Variants in AGBL4 observed in about 807,000 individuals in gnomAD.
AGBL4 encodes the protein cytosolic carboxypeptidase 6.
In AGBL4, 58 loss-of-function variants were observed where a neutral mutation model predicts 66.4. The ratio of observed to expected loss-of-function variants is 0.87; its 90% CI spans 0.71 to 1.09. The LOEUF (loss-of-function observed/expected upper bound fraction) is 1.09. Among genes scored for constraint, AGBL4 ranks in the 50% least tolerant of loss-of-function variants. The pLI is 0.00. For missense variants in AGBL4, 579 were observed against 631.0 expected (o/e 0.92, Z 0.88); for synonymous variants, 234 against 222.9 (o/e 1.05, Z -0.44).
chr1:49,596,764 T>C (rs955720938), intron 3 of AGBL4, among the ~76,000 whole-genome samples: 1 of 152,204 alleles, frequency 6.6e-6, no homozygotes, highest in Non-Finnish European at 1.5e-5. Flanking sequence ...GTATCAATGA[T>C]CACATTTTGG....
chr1:48,877,681 C>A (rs769894417), intron 5 of AGBL4, among the ~76,000 whole-genome samples: 21 of 152,016 alleles, frequency 1.4e-4, no homozygotes, highest in Non-Finnish European at 8.8e-5. Flanking sequence ...CCTTAGTGTC[C>A]TTAGGAAGGA....
intron 4 of AGBL4, among the ~76,000 whole-genome samples, chr1:49,069,041 GTCTGT>G (rs1278714926): frequency 6.6e-6 from 1 of 152,080 alleles, no homozygotes; most frequent in East Asian, 1.9e-4. Context: ...TTTGAGAAGT[GTCTGT>G]TCATATAATT....
intron 6 of AGBL4, among the ~76,000 whole-genome samples, chr1:48,711,745 ATTT>A: frequency 1.3e-4 from 1 of 7,732 alleles, no homozygotes; most frequent in East Asian, 9.6e-3. Flanking sequence ...TTTCCCCATA[ATTT>A]CTCCCTCTCT....
chr1:49,592,426 T>TGGGTGTGGTGGCAGGGA (rs942020101), intron 3 of AGBL4, among the ~76,000 whole-genome samples: 1 of 151,960 alleles, frequency 6.6e-6, no homozygotes, highest in Non-Finnish European at 1.5e-5. Context: ...CAAAATTAGC[T>TGGGTGTGGTGGCAGGGA]GGGTGTGGTG....
chr1:48,999,136 A>C (rs1661219452), intron 5 of AGBL4, among the ~76,000 whole-genome samples: 1 of 152,236 alleles, frequency 6.6e-6, no homozygotes, highest in South Asian at 2.1e-4. Flanking sequence ...AAAGTGCTAC[A>C]GTCAGGGCTC....
chr1:49,577,313 G>A (rs911727594), intron 3 of AGBL4, among the ~76,000 whole-genome samples: 3 of 152,192 alleles, frequency 2.0e-5, no homozygotes, highest in Non-Finnish European at 4.4e-5. Flanking sequence ...CATGAATAAA[G>A]TGGCCATGGT....
At chr1:49,643,185 C>T (rs1230636783) in intron 3 of AGBL4, among the ~76,000 whole-genome samples, 3 of 151,566 alleles carry the variant, frequency 2.0e-5, no homozygotes, top group African/African-American at 7.3e-5. Context: ...ATACACCAAA[C>T]GGGACTAAAG....
intron 3 of AGBL4, among the ~76,000 whole-genome samples, chr1:49,414,686 G>C (rs1645390719): frequency 6.6e-6 from 1 of 152,124 alleles, no homozygotes; most frequent in Non-Finnish European, 1.5e-5. Flanking sequence ...AAGAATGTAG[G>C]GGGAAAGAAC....
intron 3 of AGBL4, among the ~76,000 whole-genome samples, chr1:49,665,698 T>G (rs1299868161): frequency 1.3e-5 from 2 of 152,122 alleles, no homozygotes; most frequent in African/African-American, 4.8e-5. Context: ...CTCTCATTTT[T>G]GTTATAGGAT....
chr1:49,790,222 G>A (rs1429686563), intron 2 of AGBL4, among the ~76,000 whole-genome samples: 1 of 152,066 alleles, frequency 6.6e-6, no homozygotes, highest in African/African-American at 2.4e-5. Flanking sequence ...AAATTAGCCA[G>A]GAGTGATGGT....
At chr1:49,675,612 C>A (rs868258627) in intron 3 of AGBL4, among the ~76,000 whole-genome samples, 16 of 151,956 alleles carry the variant, frequency 1.1e-4, no homozygotes, top group African/African-American at 3.9e-4. Flanking sequence ...AATAAATCAG[C>A]CCCATGAGTC....
At chr1:49,180,793 A>G (rs1484790467) in intron 4 of AGBL4, among the ~76,000 whole-genome samples, 3 of 152,208 alleles carry the variant, frequency 2.0e-5, no homozygotes, top group African/African-American at 2.4e-5. Flanking sequence ...AGCCACATAC[A>G]TGGGACATGC....
chr1:49,568,570 A>G (rs1033658177), intron 3 of AGBL4, among the ~76,000 whole-genome samples: 4 of 151,594 alleles, frequency 2.6e-5, no homozygotes, highest in African/African-American at 9.7e-5. Flanking sequence ...TAAAATGGCA[A>G]TACTGACCAA....
chr1:49,530,615 A>G (rs1269427087), intron 3 of AGBL4, among the ~76,000 whole-genome samples: 1 of 152,028 alleles, frequency 6.6e-6, no homozygotes. Context: ...AAATAATCAT[A>G]TGCACCATCC....
At chr1:48,821,700 A>G (rs1034133497) in intron 6 of AGBL4, among the ~76,000 whole-genome samples, 1 of 152,190 alleles carries the variant, frequency 6.6e-6, no homozygotes, top group Non-Finnish European at 1.5e-5. Context: ...CCATTATGCA[A>G]TATATCCATG....
At chr1:49,518,170 G>T (rs191695173) in intron 3 of AGBL4, among the ~76,000 whole-genome samples, 2 of 152,016 alleles carry the variant, frequency 1.3e-5, no homozygotes, top group African/African-American at 2.4e-5. Flanking sequence ...GGATGTTCAG[G>T]GGGGCTGTGT....
At chr1:49,504,271 G>T (rs980623228) in intron 3 of AGBL4, among the ~76,000 whole-genome samples, 1 of 152,034 alleles carries the variant, frequency 6.6e-6, no homozygotes, top group Non-Finnish European at 1.5e-5. Context: ...GGCCTCCCCA[G>T]TAATGCAGAA....
Position 48,560,107 on chromosome 1 carries a change from G to A in AGBL4, c.1268-20369C>T, listed in dbSNP as rs948914344. ...GACCCCTATCCCCTCCTCTGAACTC[G>A]GAACCTCTTTCATGACACTTGCAGC... On this transcript the variant is annotated intron_variant, in intron 11 of 13. Transcript: ENST00000371839. Among the ~76,000 whole-genome samples the A allele has an allele frequency of 4.6e-5, 7 of 152,108 alleles. No homozygotes were observed. In the East Asian group the frequency reaches 5.8e-4, roughly 13 times the overall value.
intron 2 of AGBL4, among the ~76,000 whole-genome samples, chr1:49,804,452 A>G (rs996097731): frequency 1.3e-5 from 2 of 152,232 alleles, no homozygotes; most frequent in African/African-American, 4.8e-5. Context: ...GGCAATGAGT[A>G]CATTAAAATT....
Sources: allele counts gnomAD v4.1 joint callset (sites outside exome capture counted in the v4.1 genomes callset), GRCh38; gene constraint gnomAD v4.1.1; transcripts MANE v1.5; gene names NCBI Gene and HGNC (gene_info 2026-07-23, HGNC 2026-07-21).